Variants in ST6GALNAC3 observed in about 807,000 individuals in gnomAD.
ST6GALNAC3 encodes alpha-N-acetylgalactosaminide alpha-2,6-sialyltransferase 3.
In ST6GALNAC3, 25 loss-of-function variants were observed where a neutral mutation model predicts 32.7. The ratio of observed to expected loss-of-function variants is 0.76; its 90% CI spans 0.56 to 1.07. The LOEUF is 1.07. ST6GALNAC3 is among the 50% of genes least tolerant of loss of function. The probability of loss-of-function intolerance (pLI) is 0.00; values close to 1 mark genes in which losing one functional copy is unlikely to be tolerated. For missense variants in ST6GALNAC3, 355 were observed against 382.4 expected (o/e 0.93, Z 0.60); for synonymous variants, 129 against 133.1 (o/e 0.97, Z 0.21).
chr1:76,592,947 A>T (rs1647071905), intron 3 of ST6GALNAC3, among the ~76,000 whole-genome samples: 1 of 152,116 alleles, frequency 6.6e-6, no homozygotes, highest in Non-Finnish European at 1.5e-5. Flanking sequence ...CACTTTTAAA[A>T]GGGGAATTCT....
At chr1:76,214,062 AT>A (rs1456283742) in intron 1 of ST6GALNAC3, among the ~76,000 whole-genome samples, 2 of 152,078 alleles carry the variant, frequency 1.3e-5, no homozygotes, top group Non-Finnish European at 2.9e-5. Context: ...ATAAGGTTTT[AT>A]TTTTTTTCTT....
Position 76,634,047 on chromosome 1 carries a change from T to A in ST6GALNAC3, c.*5241T>A, listed in dbSNP as rs1649424596. ...AAATCTCATTTAGTTTTTTTCTTTT[T>A]TTTTTTCAGTTAACTACTTGTTTGT... is the stretch of plus-strand genomic sequence containing the variant. On this transcript the variant is annotated 3_prime_UTR_variant, in exon 5 of 5. Coordinates refer to ENST00000328299, the MANE Select transcript of ST6GALNAC3 (RefSeq NM_152996.4). The A allele has an allele frequency of 1.9e-6, 1 of 520,176 alleles. No individual in the cohort carries two copies. The highest frequency in any genetic ancestry group is 2.5e-6 in the Non-Finnish European group (1 of 405,102). 32.2% of individuals were successfully genotyped at this position (520,176 alleles called of 1,614,324 possible).
At chr1:76,425,756 A>T (rs910929242) in intron 3 of ST6GALNAC3, among the ~76,000 whole-genome samples, 2 of 151,968 alleles carry the variant, frequency 1.3e-5, no homozygotes, top group African/African-American at 4.8e-5. Flanking sequence ...TGTCTTGACC[A>T]CAAGGATAGA....
intron 1 of ST6GALNAC3, among the ~76,000 whole-genome samples, chr1:76,285,695 C>T (rs11805688): frequency 0.042 from 6,431 of 152,040 alleles, 446 homozygotes; most frequent in African/African-American, 0.15. Flanking sequence ...TTGTGCAGCT[C>T]TGACAGATTG....
At position 76,427,057 on chromosome 1, in the gene ST6GALNAC3, A is replaced by G. The variant is rs958067132; in HGVS notation, c.623+14640A>G. 1.6e-4 allele frequency among the ~76,000 whole-genome samples: 25 copies of G among 152,102 alleles called. 1 individual carries two copies. Among genetic ancestry groups the G allele is most frequent in the Admixed American group, 1.4e-3 (21 of 15,244 alleles). On this transcript the variant is annotated intron_variant, in intron 3 of 4. Transcript: ENST00000328299. ...TGTTTGGCTTTTTGGAATTTCATGC[A>G]TAGCTCAAGAATCTCTGTTGCCAAC...
chr1:76,212,427 A>G (rs1336838648), intron 1 of ST6GALNAC3, among the ~76,000 whole-genome samples: 1 of 152,012 alleles, frequency 6.6e-6, no homozygotes, highest in Non-Finnish European at 1.5e-5. Flanking sequence ...CATCATGTTG[A>G]TTTTTAATCA....
At chr1:76,512,267 C>G (rs1323813773) in intron 3 of ST6GALNAC3, among the ~76,000 whole-genome samples, 1 of 152,160 alleles carries the variant, frequency 6.6e-6, no homozygotes, top group Non-Finnish European at 1.5e-5. Flanking sequence ...CAAACCCACA[C>G]TGCTGTCCAC....
intron 3 of ST6GALNAC3, among the ~76,000 whole-genome samples, chr1:76,621,199 T>C (rs1648623881): frequency 6.6e-6 from 1 of 152,068 alleles, no homozygotes; most frequent in Admixed American, 6.6e-5. Flanking sequence ...CTATTTGTTA[T>C]ATTCACAGTC....
At chr1:76,188,446 T>C (rs575221783) in intron 1 of ST6GALNAC3, among the ~76,000 whole-genome samples, 1 of 152,290 alleles carries the variant, frequency 6.6e-6, no homozygotes, top group East Asian at 1.9e-4. Context: ...AATTAGCCCA[T>C]GTACTATTGG....
chr1:76,385,460 C>T (rs1187963506), intron 2 of ST6GALNAC3, among the ~76,000 whole-genome samples: 1 of 152,054 alleles, frequency 6.6e-6, no homozygotes, highest in African/African-American at 2.4e-5. Context: ...AACATTTGGG[C>T]AAGTCACTTA....
chr1:76,329,078 G>A (rs1332887969), intron 2 of ST6GALNAC3, among the ~76,000 whole-genome samples: 1 of 152,144 alleles, frequency 6.6e-6, no homozygotes, highest in Non-Finnish European at 1.5e-5. Context: ...TGGGAGTGGA[G>A]TCACCTAACA....
intron 3 of ST6GALNAC3, among the ~76,000 whole-genome samples, chr1:76,441,818 C>A (rs919050340): frequency 2.0e-4 from 30 of 152,278 alleles, no homozygotes; most frequent in African/African-American, 6.7e-4. Context: ...GCACTGAGAG[C>A]ACCCAAAAAC....
intron 3 of ST6GALNAC3, among the ~76,000 whole-genome samples, chr1:76,465,468 AGCTAAAGAAAGCAATCTG>A (rs1257243837): frequency 1.3e-5 from 2 of 152,208 alleles, no homozygotes; most frequent in African/African-American, 4.8e-5. Context: ...TCTCTGAAAA[AGCTAAAGAAAGCAATCTG>A]GCCAGTTATA....
At chr1:76,341,105 T>C (rs916463522) in intron 2 of ST6GALNAC3, among the ~76,000 whole-genome samples, 10 of 151,606 alleles carry the variant, frequency 6.6e-5, no homozygotes, top group Admixed American at 6.6e-4. Flanking sequence ...TATGGATACA[T>C]TGCGCGATAC....
At chr1:76,524,730 T>A (rs934295371) in intron 3 of ST6GALNAC3, among the ~76,000 whole-genome samples, 1 of 149,286 alleles carries the variant, frequency 6.7e-6, no homozygotes, top group Non-Finnish European at 1.5e-5. Flanking sequence ...TTTTTTTTTT[T>A]ACAGAACGTG....
At chr1:76,151,373 C>A (rs529917778) in intron 1 of ST6GALNAC3, among the ~76,000 whole-genome samples, 5 of 152,292 alleles carry the variant, frequency 3.3e-5, no homozygotes, top group African/African-American at 1.2e-4. Context: ...ACAGGCGTGG[C>A]TTAAAGATAT....
chr1:76,293,661 T>G (rs2100824981), intron 1 of ST6GALNAC3, among the ~76,000 whole-genome samples: 1 of 152,322 alleles, frequency 6.6e-6, no homozygotes, highest in African/African-American at 2.4e-5. Context: ...CTCGTTGGAA[T>G]CCCAACATAT....
Position 76,630,082 on chromosome 1 carries a change from T to C in ST6GALNAC3, c.*1276T>C, listed in dbSNP as rs547982540. The C allele has an allele frequency of 9.1e-6, 9 of 985,284 alleles. No homozygotes were observed. The African/African-American group carries it at 1.0e-4, about 11-fold the overall frequency. The allele number at this position is 985,284 out of a possible 1,614,324, so 61.0% of individuals were successfully genotyped here. On this transcript the variant is annotated 3_prime_UTR_variant, in exon 5 of 5. Coordinates refer to ENST00000328299, the MANE Select transcript of ST6GALNAC3 (RefSeq NM_152996.4). ...GCCCTTGAACACCCCATTGGGCTATTGTCTGTGTATTCTGCTCTCTTTAGC... is the reference window on the plus strand; with the variant it reads ...GCCCTTGAACACCCCATTGGGCTATCGTCTGTGTATTCTGCTCTCTTTAGC...
At chr1:76,374,293 G>A (rs1056765414) in intron 2 of ST6GALNAC3, among the ~76,000 whole-genome samples, 1 of 152,176 alleles carries the variant, frequency 6.6e-6, no homozygotes. Context: ...CCTATATCAA[G>A]CAGCTGTTGT....
Sources: gnomAD v4.1 joint callset for allele counts (sites outside exome capture counted in the v4.1 genomes callset) on GRCh38, gnomAD v4.1.1 for gene constraint, MANE v1.5 for transcripts, NCBI Gene and HGNC (gene_info 2026-07-23, HGNC 2026-07-21) for gene names.